The following CFAP46 variants were observed in gnomAD, a reference collection of about 807,000 sequenced individuals.
CFAP46 encodes the protein cilia and flagella associated protein 46, also known as cilia- and flagella-associated protein 46.
Under a neutral mutation model 325.7 loss-of-function variants are expected in CFAP46, and 245 were observed. The ratio of observed to expected loss-of-function variants is 0.75; its 90% CI spans 0.68 to 0.84. The LOEUF is 0.84. Ranked by LOEUF, CFAP46 falls within the 40% of genes least tolerant of loss-of-function variation. The pLI is 0.00. For missense variants in CFAP46, 3,346 were observed against 3,543.0 expected, an observed-to-expected ratio of 0.94 and a Z score of 1.41; for synonymous variants, 1,523 against 1,495.9, an observed-to-expected ratio of 1.02 and a Z score of -0.42.
intron 41 of CFAP46, among the ~76,000 whole-genome samples, chr10:132,848,584 C>T (rs1160073694): frequency 6.6e-6 from 1 of 152,162 alleles, no homozygotes; most frequent in African/African-American, 2.4e-5. Context: ...CAAAACACAC[C>T]CACAGCTGCA....
chr10:132,868,344 T>C (rs147877392), intron 33 of CFAP46, among the ~76,000 whole-genome samples: 192 of 152,342 alleles, frequency 1.3e-3, no homozygotes, highest in African/African-American at 4.5e-3. Context: ...TCCAAAGTTA[T>C]TTTAGGGCTG....
intron 35 of CFAP46, among the ~76,000 whole-genome samples, chr10:132,861,988 G>T (rs915834777): frequency 1.4e-4 from 21 of 152,234 alleles, no homozygotes; most frequent in African/African-American, 4.8e-4. Flanking sequence ...CACTAGGGAG[G>T]CATGCCCCAG....
At position 132,860,447 on chromosome 10, in the gene CFAP46, AG is replaced by A; in HGVS notation, c.5167del (p.Leu1723TrpfsTer4). ...TTCTAGATCTGTGATCATGAATTCCAGTAAAGGCAATCGGTTTGGTCTTTCT... is the reference window on the plus strand; with the variant it reads ...TTCTAGATCTGTGATCATGAATTCCATAAAGGCAATCGGTTTGGTCTTTCT... The part of the protein sequence containing the change: ...KKERPNRLPL[L>X]EFMITDLEAR... On this transcript the variant is annotated frameshift_variant, in exon 37 of 58. Transcript: ENST00000368586. LOFTEE classifies it high-confidence loss of function. 1.3e-6 allele frequency: 2 copies of A among 1,551,204 alleles called. No homozygotes were observed. Among genetic ancestry groups the A allele is most frequent in the Non-Finnish European group, 8.7e-7 (1 of 1,147,040 alleles).
In CFAP46 at chr10:132,812,825, G is replaced by A. The variant is rs2134756855; in HGVS notation, c.7461C>T (p.Ser2487=). 1.9e-6 allele frequency: 3 copies of A among 1,612,350 alleles called. No homozygotes were observed. The highest frequency in any genetic ancestry group is 1.7e-4 in the Middle Eastern group (1 of 6,058). The change falls in exon 55 of 58, where the codon TCC becomes TCT. Residue 2487 remains serine (S), a synonymous_variant. Coordinates refer to ENST00000368586, the MANE Select transcript of CFAP46 (RefSeq NM_001200049.3). ...FFFYGMESFL[S]HILVERLVAM... is the part of the protein sequence containing the mutation. ...CGACCAATCTCTCCACTAATATATG[G>A]GACAGGAAGCTCTCCATTCCATAGA...
chr10:132,923,944 C>T (rs952751283), intron 11 of CFAP46, among the ~76,000 whole-genome samples: 1 of 152,134 alleles, frequency 6.6e-6, no homozygotes, highest in African/African-American at 2.4e-5. Context: ...ATTCAGGGAG[C>T]CCCAGAGAAG....
chr10:132,837,996 C>T (rs1591045132), intron 44 of CFAP46, among the ~76,000 whole-genome samples: 2 of 152,274 alleles, frequency 1.3e-5, no homozygotes, highest in East Asian at 3.8e-4. Flanking sequence ...CACGGACACA[C>T]GTGTACACAG....
intron 44 of CFAP46, among the ~76,000 whole-genome samples, chr10:132,845,743 A>AGGCCCTCAGGG (rs1225891354): frequency 1.3e-5 from 2 of 152,202 alleles, no homozygotes; most frequent in African/African-American, 4.8e-5. Flanking sequence ...GATCCACATG[A>AGGCCCTCAGGG]GGCCCTCAGG....
chr10:132,836,049 TC>T, intron 46 of CFAP46, 92 bp downstream of exon 46: 2 of 147,006 alleles, frequency 1.4e-5, no homozygotes, highest in Non-Finnish European at 1.3e-5. Flanking sequence ...ACCTCTCACC[TC>T]CCCCTCCCGA....
intron 50 of CFAP46, among the ~76,000 whole-genome samples, chr10:132,826,452 GA>G (rs1848054354): frequency 1.1e-5 from 1 of 88,972 alleles, no homozygotes; most frequent in Non-Finnish European, 2.6e-5. Flanking sequence ...AGCCAGGCAG[GA>G]GCCGGAGCCA....
rs1266267464 is a variant in CFAP46, at chr10:132,847,222, G to T, written c.6052C>A (p.Pro2018Thr). 6.2e-7 allele frequency: 1 copy of T among 1,613,080 alleles called. No homozygotes were observed. The highest frequency in any genetic ancestry group is 1.1e-5 in the South Asian group (1 of 91,066). Residue 2018 changes from proline (P) to threonine (T), a missense_variant, in exon 42 of 58, where the codon CCG (proline) becomes ACG (threonine). Pro to Thr is a conservative substitution (Grantham distance 38). Transcript: ENST00000368586. The surrounding 1 kb of genome is among the most constrained non-coding windows in gnomAD (Gnocchi z 5.2). ...TCGCCTCTCCTGCAGTGCTCCTCCG[G>T]GGCTGCCCTGGAGGCCGGCGGGTCC... ...SRDPPASRAA[P>T]EEHCRRGEDL...
intron 50 of CFAP46, among the ~76,000 whole-genome samples, chr10:132,823,908 AGCGCTGATGTGTGTGT>A (rs1847960334): frequency 4.2e-5 from 4 of 96,340 alleles, no homozygotes; most frequent in African/African-American, 7.9e-5. Context: ...GTGCTGTGTG[AGCGCTGATGTGTGTGT>A]GTGCTGATGT....
At chr10:132,930,535 T>C (rs1467177550) in intron 8 of CFAP46, among the ~76,000 whole-genome samples, 7 of 117,036 alleles carry the variant, frequency 6.0e-5, no homozygotes, top group Admixed American at 8.7e-5. Context: ...AGCCTGGGCC[T>C]TCCCCACACT....
chr10:132,898,844 C>T, intron 24 of CFAP46, 115 bp downstream of exon 24: 1 of 1,361,958 alleles, frequency 7.3e-7, no homozygotes, highest in Non-Finnish European at 1.0e-6. Flanking sequence ...GGTGCTGGTG[C>T]ACCCTCTGGG....
chr10:132,878,960 G>C lies in CFAP46; in HGVS notation c.4005+466C>G, dbSNP rs1444947886. On this transcript the variant is annotated intron_variant, in intron 29 of 57. Coordinates refer to ENST00000368586, the MANE Select transcript of CFAP46 (RefSeq NM_001200049.3). The stretch of plus-strand genomic sequence containing the variant: ...GGTGGTAGGAGGAGCAGGACAAGGA[G>C]GGGGGTGGGAGTGGGAAGAAGGCTC... Among the ~76,000 whole-genome samples, 6 of 152,208 alleles carry C rather than the reference G, an allele frequency of 3.9e-5. No individual in the cohort carries two copies. The South Asian group carries it at 1.0e-3, about 26-fold the overall frequency.
intron 10 of CFAP46, among the ~76,000 whole-genome samples, chr10:132,926,032 A>G (rs1428782654): frequency 1.3e-5 from 2 of 152,242 alleles, no homozygotes; most frequent in Non-Finnish European, 2.9e-5. Flanking sequence ...TTACTGAGGA[A>G]GAGTCTAAAA....
At position 132,837,964 on chromosome 10, in the gene CFAP46, C is replaced by T. The variant is rs369570346; in HGVS notation, c.6439-1050G>A. 3.6e-4 allele frequency among the ~76,000 whole-genome samples: 55 copies of T among 152,162 alleles called. No individual in the cohort carries two copies. In the South Asian group the frequency reaches 8.3e-3, roughly 23 times the overall value. ...ACACAGACACGCACGTGTACACAGACGCACACACTCACGCAGACATGCACG... is the reference window on the plus strand; with the variant it reads ...ACACAGACACGCACGTGTACACAGATGCACACACTCACGCAGACATGCACG... On this transcript the variant is annotated intron_variant, in intron 44 of 57. Coordinates refer to ENST00000368586, the MANE Select transcript of CFAP46 (RefSeq NM_001200049.3).
intron 39 of CFAP46, among the ~76,000 whole-genome samples, chr10:132,852,621 A>T (rs1375233646): frequency 5.3e-5 from 8 of 152,080 alleles, no homozygotes; most frequent in Non-Finnish European, 1.2e-4. Context: ...CTGTTTCTCC[A>T]TTTACTTAGA....
Position 132,934,869 on chromosome 10 carries a change from A to G in CFAP46, c.756-7T>C. 6.5e-7 allele frequency: 1 copy of G among 1,528,412 alleles called. No homozygotes were observed. 94.7% of individuals were successfully genotyped at this position (1,528,412 alleles called of 1,614,324 possible). ...ATCATTTTGCTCCGCTTTTCTAGAAATAATTCAGAGAGTAATTCAGCACAA... is the reference window on the plus strand; with the variant it reads ...ATCATTTTGCTCCGCTTTTCTAGAAGTAATTCAGAGAGTAATTCAGCACAA... On this transcript the variant is annotated splice_region_variant and splice_polypyrimidine_tract_variant and intron_variant, in intron 7 of 57. Coordinates refer to ENST00000368586, the MANE Select transcript of CFAP46 (RefSeq NM_001200049.3).
At position 132,850,358 on chromosome 10, in the gene CFAP46, C is replaced by G. The variant is rs756040573; in HGVS notation, c.5838G>C (p.Val1946=). 4.7e-5 allele frequency: 73 copies of G among 1,564,198 alleles called. No homozygotes were observed. The highest frequency in any genetic ancestry group is 1.8e-4 in the African/African-American group (13 of 73,660). ...GCCGGGCGCGGATCTCCACACAGCCCACGCTCAGCGGCTGCAGGCTCCCCA... is the reference window on the plus strand; with the variant it reads ...GCCGGGCGCGGATCTCCACACAGCCGACGCTCAGCGGCTGCAGGCTCCCCA... ...AQLGSLQPLS[V]GCVEIRARLL... is the part of the protein sequence containing the mutation. The change falls in exon 41 of 58, where the codon GTG becomes GTC. Residue 1946 remains valine, a synonymous_variant. Transcript: ENST00000368586.
Sources: gnomAD v4.1 joint callset for allele counts (sites outside exome capture counted in the v4.1 genomes callset) on GRCh38, gnomAD v4.1.1 for gene constraint, Gnocchi (gnomAD v3.1) non-coding constraint, MANE v1.5 for transcripts, NCBI Gene and HGNC (gene_info 2026-07-23, HGNC 2026-07-21) for gene names.